TANC1: variants seen among roughly 807,000 people sequenced by gnomAD.
The protein encoded by TANC1 is protein TANC1.
Under a neutral mutation model 149.7 loss-of-function variants are expected in TANC1, and 77 were observed. The ratio of observed to expected loss-of-function variants is 0.51; its 90% CI spans 0.43 to 0.62. The LOEUF (loss-of-function observed/expected upper bound fraction) is 0.62. Ranked by LOEUF, TANC1 falls within the 20% of genes least tolerant of loss-of-function variation. The pLI is 0.00. For missense variants in TANC1, 1,985 were observed against 2,321.8 expected, an observed-to-expected ratio of 0.85 and a Z score of 2.98; for synonymous variants, 854 against 925.0, an observed-to-expected ratio of 0.92 and a Z score of 1.39.
intron 7 of TANC1, among the ~76,000 whole-genome samples, chr2:159,155,379 TC>T (rs994395989): frequency 6.6e-6 from 1 of 152,186 alleles, no homozygotes; most frequent in Non-Finnish European, 1.5e-5. Flanking sequence ...CTCTCTCCAT[TC>T]GTCTTTTTAA....
chr2:159,170,385 C>A (rs548773487), intron 9 of TANC1, 139 bp from the exon 10 acceptor site: 4 of 752,452 alleles, frequency 5.3e-6, no homozygotes, highest in African/African-American at 5.3e-5. Context: ...ATTAATAGAA[C>A]GAGATTGGAA....
chr2:159,221,707 A>G (rs1255240073), intron 22 of TANC1, among the ~76,000 whole-genome samples: 2 of 152,202 alleles, frequency 1.3e-5, no homozygotes, highest in African/African-American at 2.4e-5. Context: ...TCATGTACAT[A>G]TACTGGTTGT....
Position 159,219,977 on chromosome 2 carries a change from AGTGTGTGTGTGTGTGTGT to A in TANC1, c.3678+137_3678+154del, listed in dbSNP as rs760037919. The A allele has an allele frequency of 1.2e-3, 675 of 560,424 alleles. 1 individual carries two copies. The highest frequency in any genetic ancestry group is 0.01 in the African/African-American group (488 of 48,482). 34.7% of individuals were successfully genotyped at this position (560,424 alleles called of 1,614,324 possible). On this transcript the variant is annotated intron_variant, in intron 22 of 26. Coordinates refer to ENST00000263635, the MANE Select transcript of TANC1 (RefSeq NM_033394.3). ...AGGTTGTGTCTCAGTGTCATCAGAG[AGTGTGTGTGTGTGTGTGT>A]GTGTGTGTGTGTGTGTGTGTGTGTG...
intron 3 of TANC1, among the ~76,000 whole-genome samples, chr2:159,072,237 C>T (rs62171070): frequency 1.3e-5 from 2 of 152,240 alleles, no homozygotes; most frequent in Admixed American, 1.3e-4. Flanking sequence ...CCACCTCAGC[C>T]TCACAGAGTG....
At chr2:159,109,214 A>T (rs2047479866) in intron 4 of TANC1, among the ~76,000 whole-genome samples, 1 of 152,090 alleles carries the variant, frequency 6.6e-6, no homozygotes, top group Admixed American at 6.5e-5. Context: ...CCCAGTCATG[A>T]GTGTGTCTGT....
At chr2:159,181,540 G>T (rs13009743) in intron 14 of TANC1, among the ~76,000 whole-genome samples, 1 of 152,056 alleles carries the variant, frequency 6.6e-6, no homozygotes, top group African/African-American at 2.4e-5. Context: ...CTCGTGATCC[G>T]CCCGCCTCGG....
intron 2 of TANC1, among the ~76,000 whole-genome samples, chr2:159,042,810 G>A (rs578105807): frequency 9.2e-5 from 14 of 152,180 alleles, no homozygotes; most frequent in South Asian, 4.2e-4. Flanking sequence ...GGTGAATTTC[G>A]TAGAAACCTG....
chr2:159,179,096 C>CCGT lies in TANC1; in HGVS notation c.2445_2447dup (p.Ser816dup). Reference sequence around the variant, plus strand: ...AGACAAAACCCGCATGTTCTGCCACCCGTCCTTCAGGGAGTGGCTTGTATG... The same window carrying CCGT: ...AGACAAAACCCGCATGTTCTGCCACCCGTCGTCCTTCAGGGAGTGGCTTGTATG... On this transcript the variant is annotated inframe_insertion, in exon 14 of 27. Transcript: ENST00000263635. The CCGT allele has an allele frequency of 6.2e-7, 1 of 1,613,770 alleles. No individual in the cohort carries two copies. The highest frequency in any genetic ancestry group is 8.5e-7 in the Non-Finnish European group (1 of 1,180,006).
At chr2:159,187,338 G>T (rs1180579695) in intron 16 of TANC1, among the ~76,000 whole-genome samples, 2 of 152,196 alleles carry the variant, frequency 1.3e-5, no homozygotes. Context: ...TAGGGAAAAC[G>T]GATTTTTTAA....
chr2:159,090,223 T>C (rs1341848462), intron 3 of TANC1, among the ~76,000 whole-genome samples: 3 of 152,230 alleles, frequency 2.0e-5, no homozygotes, highest in Admixed American at 6.5e-5. Flanking sequence ...TACATACATA[T>C]GTAGATACAC....
At chr2:159,215,741 A>G (rs2150899631) in intron 19 of TANC1, among the ~76,000 whole-genome samples, 1 of 152,262 alleles carries the variant, frequency 6.6e-6, no homozygotes, top group Non-Finnish European at 1.5e-5. Context: ...CTTTTGAACT[A>G]TGTATGAACA....
chr2:159,188,759 G>T (rs1168673441), intron 16 of TANC1, among the ~76,000 whole-genome samples: 1 of 152,232 alleles, frequency 6.6e-6, no homozygotes, highest in Non-Finnish European at 1.5e-5. Context: ...GCCTCTTCTG[G>T]TCCTCATGAT....
At position 159,228,846 on chromosome 2, in the gene TANC1, C is replaced by G. The variant is rs772355542; in HGVS notation, c.4101C>G (p.Pro1367=). ...EFASKALELK[P]KSYEAFYARA... Reference sequence around the variant, plus strand: ...CTTCCAAGGCTCTCGAATTGAAGCCCAAGTCCTATGAAGCCTTTTATGCCA... The same window carrying G: ...CTTCCAAGGCTCTCGAATTGAAGCCGAAGTCCTATGAAGCCTTTTATGCCA... Residue 1367 remains proline (P), a synonymous_variant, in exon 26 of 27, where the codon CCC becomes CCG. Transcript: ENST00000263635. 1 of 1,614,126 alleles carries G rather than the reference C, an allele frequency of 6.2e-7. No individual in the cohort carries two copies. The highest frequency in any genetic ancestry group is 2.2e-5 in the East Asian group (1 of 44,878).
chr2:159,122,959 AGT>A (rs2049013371), intron 4 of TANC1, among the ~76,000 whole-genome samples: 2 of 152,162 alleles, frequency 1.3e-5, no homozygotes, highest in South Asian at 4.1e-4. Context: ...TAATGGTCTC[AGT>A]GCAACCTAGT....
rs73969432 is a variant in TANC1, at chr2:159,084,589, C to T, written c.62-13048C>T. ...CAGACAGCTTTGCTGACGGGACTGC[C>T]AGAGTTTGGATTTGAGTAGTTAGTG... On this transcript the variant is annotated intron_variant, in intron 3 of 26. Coordinates refer to ENST00000263635, the MANE Select transcript of TANC1 (RefSeq NM_033394.3). Among the ~76,000 whole-genome samples, 1,059 of 152,204 alleles carry T rather than the reference C, an allele frequency of 7.0e-3. 8 individuals are homozygous for T. The highest frequency in any genetic ancestry group is 0.024 in the African/African-American group (987 of 41,530).
chr2:159,159,357 T>G (rs1002091146), intron 7 of TANC1, among the ~76,000 whole-genome samples: 2 of 151,214 alleles, frequency 1.3e-5, no homozygotes, highest in East Asian at 3.9e-4. Context: ...GAGGATCGCT[T>G]GAGCCTTGGA....
At chr2:159,214,463 G>A (rs2059215717) in intron 19 of TANC1, among the ~76,000 whole-genome samples, 1 of 152,164 alleles carries the variant, frequency 6.6e-6, no homozygotes, top group South Asian at 2.1e-4. Context: ...TGAGAACCAT[G>A]GTGCACAGGC....
chr2:159,117,259 A>T (rs143882529), intron 4 of TANC1, among the ~76,000 whole-genome samples: 1 of 152,320 alleles, frequency 6.6e-6, no homozygotes, highest in East Asian at 1.9e-4. Flanking sequence ...GAATAGCGTT[A>T]GATTTATAGA....
intron 7 of TANC1, among the ~76,000 whole-genome samples, chr2:159,159,717 T>TGTGAGAGA (rs1480521171): frequency 1.7e-5 from 2 of 114,920 alleles, no homozygotes; most frequent in East Asian, 2.6e-4. Flanking sequence ...TGTGTGTGTG[T>TGTGAGAGA]GAGAGAGAGA....
Sources: gnomAD v4.1 joint callset for allele counts (sites outside exome capture counted in the v4.1 genomes callset) on GRCh38, gnomAD v4.1.1 for gene constraint, MANE v1.5 for transcripts, NCBI Gene and HGNC (gene_info 2026-07-23, HGNC 2026-07-21) for gene names.